GPC6: variants seen among roughly 807,000 people sequenced by gnomAD.
The protein encoded by GPC6 is glypican-6.
Under a neutral mutation model 55.2 loss-of-function variants are expected in GPC6, and 14 were observed. The ratio of observed to expected loss-of-function variants is 0.25; its 90% CI spans 0.17 to 0.40. The LOEUF (loss-of-function observed/expected upper bound fraction) is 0.40. Ranked by LOEUF, GPC6 falls within the 10% of genes least tolerant of loss-of-function variation. The pLI is 1.00. For synonymous variants in GPC6, 278 were observed against 259.6 expected, an observed-to-expected ratio of 1.07 and a Z score of -0.68; for missense variants, 641 against 708.5, an observed-to-expected ratio of 0.90 and a Z score of 1.08.
In GPC6 at chr13:93,227,470, T is replaced by G. The variant is rs150841935; in HGVS notation, c.14T>G (p.Ile5Ser). The change falls in exon 1 of 9, where the codon ATC becomes AGC. Residue 5 changes from isoleucine to serine, a missense_variant. Transcript: ENST00000377047. The surrounding 1 kb of genome is among the most constrained non-coding windows in gnomAD (Gnocchi z 4.3). MPSW[I>S]GAVILPLLGL... ...GTATGTTGCACCATGCCTTCTTGGA[T>G]CGGGGCTGTGATTCTTCCCCTCTTG... The G allele has an allele frequency of 4.2e-5, 67 of 1,613,698 alleles. No homozygotes were observed. The African/African-American group carries it at 7.2e-4, about 17-fold the overall frequency.
chr13:93,954,229 T>C (rs1216159525), intron 3 of GPC6, among the ~76,000 whole-genome samples: 1 of 152,228 alleles, frequency 6.6e-6, no homozygotes, highest in Non-Finnish European at 1.5e-5. Flanking sequence ...TTGCTATGTA[T>C]GGTTATATAA....
chr13:93,369,952 A>G (rs967498312), intron 1 of GPC6, among the ~76,000 whole-genome samples: 3 of 152,066 alleles, frequency 2.0e-5, no homozygotes, highest in Admixed American at 2.0e-4. Context: ...TATCATTATT[A>G]TATTTTTTAA....
At chr13:93,691,945 G>A (rs145032727) in intron 2 of GPC6, among the ~76,000 whole-genome samples, 100 of 152,134 alleles carry the variant, frequency 6.6e-4, no homozygotes, top group African/African-American at 2.4e-3. Context: ...ATATACTTCA[G>A]TACCTACCCT....
intron 3 of GPC6, among the ~76,000 whole-genome samples, chr13:93,873,890 C>T (rs1400152208): frequency 2.0e-5 from 3 of 151,866 alleles, no homozygotes; most frequent in African/African-American, 4.8e-5. Context: ...CACTCTGACA[C>T]GTCTGCCTTC....
intron 3 of GPC6, among the ~76,000 whole-genome samples, chr13:93,900,407 T>C (rs1013155703): frequency 3.3e-5 from 5 of 152,274 alleles, no homozygotes; most frequent in African/African-American, 1.2e-4. Context: ...GTCTCTAAAG[T>C]TGTAAATTCT....
chr13:93,336,201 T>A (rs1880039957), intron 1 of GPC6, among the ~76,000 whole-genome samples: 1 of 152,224 alleles, frequency 6.6e-6, no homozygotes, highest in Admixed American at 6.5e-5. Flanking sequence ...GTTTGGATTA[T>A]GTGGATACTT....
chr13:94,315,103 A>G (rs1197963063), intron 6 of GPC6, among the ~76,000 whole-genome samples: 1 of 152,242 alleles, frequency 6.6e-6, no homozygotes, highest in Non-Finnish European at 1.5e-5. Context: ...TCTTATACCC[A>G]TAACACTGGC....
At chr13:93,955,937 T>A (rs898813072) in intron 3 of GPC6, among the ~76,000 whole-genome samples, 1 of 152,178 alleles carries the variant, frequency 6.6e-6, no homozygotes, top group African/African-American at 2.4e-5. Flanking sequence ...GTGTGTCTTT[T>A]CTGCCTTCAT....
At chr13:93,789,501 C>CTATATATA (rs1388071759) in intron 2 of GPC6, among the ~76,000 whole-genome samples, 4 of 78,966 alleles carry the variant, frequency 5.1e-5, no homozygotes, top group Admixed American at 1.4e-4. Context: ...CTCTCTCTCT[C>CTATATATA]TCTCTCTCTA....
chr13:93,229,243 CT>C (rs35244715), intron 1 of GPC6, among the ~76,000 whole-genome samples: 42,938 of 149,514 alleles, frequency 0.29, 6,301 homozygotes, highest in Admixed American at 0.38. Context: ...ATCAGCTTCG[CT>C]TTTTTTTTTC....
intron 3 of GPC6, among the ~76,000 whole-genome samples, chr13:93,840,066 G>C (rs1333959098): frequency 1.1e-4 from 17 of 152,076 alleles, no homozygotes. Context: ...TTGATATCTG[G>C]TAGAATTCTG....
chr13:94,284,964 A>T (rs116441317), intron 4 of GPC6, among the ~76,000 whole-genome samples: 5 of 151,814 alleles, frequency 3.3e-5, no homozygotes, highest in Non-Finnish European at 7.4e-5. Context: ...GAGCCAGTGT[A>T]TACTGGCTTT....
At chr13:93,717,224 C>A (rs1362943091) in intron 2 of GPC6, among the ~76,000 whole-genome samples, 1 of 151,654 alleles carries the variant, frequency 6.6e-6, no homozygotes, top group Admixed American at 6.6e-5. Flanking sequence ...GCAGATAGTT[C>A]AACTTGAGTA....
At chr13:93,340,053 T>C (rs1377294396) in intron 1 of GPC6, among the ~76,000 whole-genome samples, 5 of 114,612 alleles carry the variant, frequency 4.4e-5, no homozygotes, top group African/African-American at 1.7e-4. Context: ...TTTTTTTTTT[T>C]GAGACGGAGT....
intron 1 of GPC6, among the ~76,000 whole-genome samples, chr13:93,266,088 C>T (rs1038049426): frequency 6.6e-6 from 1 of 152,160 alleles, no homozygotes. Flanking sequence ...AAAATGAAGA[C>T]ACCTTCAGAA....
chr13:94,138,142 A>G (rs1281597089), intron 4 of GPC6, among the ~76,000 whole-genome samples: 1 of 152,212 alleles, frequency 6.6e-6, no homozygotes, highest in Non-Finnish European at 1.5e-5. Flanking sequence ...GAGTACCAAC[A>G]TAACATTCAA....
At chr13:93,401,121 G>A (rs1228240683) in intron 1 of GPC6, among the ~76,000 whole-genome samples, 1 of 151,606 alleles carries the variant, frequency 6.6e-6, no homozygotes, top group Non-Finnish European at 1.5e-5. Flanking sequence ...CCAGAAATCA[G>A]GCATTATGAA....
At chr13:93,552,819 CAAGTATCCTT>C (rs1875231924) in intron 2 of GPC6, among the ~76,000 whole-genome samples, 2 of 152,190 alleles carry the variant, frequency 1.3e-5, no homozygotes. Flanking sequence ...AATGAGCAGA[CAAGTATCCTT>C]TCTCTGACAG....
intron 5 of GPC6, among the ~76,000 whole-genome samples, chr13:94,304,948 T>C (rs1238372752): frequency 6.6e-6 from 1 of 152,220 alleles, no homozygotes; most frequent in Non-Finnish European, 1.5e-5. Flanking sequence ...CCAGTAGAGA[T>C]TTTCATTACT....
Sources: gnomAD v4.1 joint callset for allele counts (sites outside exome capture counted in the v4.1 genomes callset) on GRCh38, gnomAD v4.1.1 for gene constraint, Gnocchi (gnomAD v3.1) non-coding constraint, MANE v1.5 for transcripts, NCBI Gene and HGNC (gene_info 2026-07-23, HGNC 2026-07-21) for gene names.